Variants in ENTPD7 observed in about 807,000 individuals in gnomAD.
The protein encoded by ENTPD7 is ectonucleoside triphosphate diphosphohydrolase 7.
ENTPD7 carries 53 observed loss-of-function variants against 77.9 expected under a neutral mutation model. The ratio of observed to expected loss-of-function variants is 0.68; its 90% CI spans 0.55 to 0.85. The LOEUF (loss-of-function observed/expected upper bound fraction) is 0.85. ENTPD7 is among the 40% of genes least tolerant of loss of function. The pLI is 0.00. For synonymous variants in ENTPD7, 248 were observed against 274.9 expected, an observed-to-expected ratio of 0.90 and a Z score of 0.97; for missense variants, 636 against 743.7, an observed-to-expected ratio of 0.86 and a Z score of 1.68.
Position 99,688,733 on chromosome 10 carries a change from G to C in ENTPD7, c.692G>C (p.Arg231Thr), listed in dbSNP as rs763586639. 1.1e-5 allele frequency: 17 copies of C among 1,613,814 alleles called. No individual in the cohort carries two copies. The highest frequency in any genetic ancestry group is 2.7e-5 in the African/African-American group (2 of 74,926). Residue 231 changes from arginine (R) to threonine (T), a missense_variant, in exon 7 of 13, where the codon AGA becomes ACA. By Grantham distance (71) the Arg-to-Thr change is moderately conservative (BLOSUM62 -1). Around this residue, in one of 3 missense-constraint regions of ENTPD7, gnomAD observed 486 missense variants for 556.5 expected, o/e 0.87. Transcript: ENST00000370489. Reference sequence around the variant, plus strand: ...ATTGGAATCAACTTTGTTTTGGGAAGATTCGACCACGAGGATGGTGAGTAA... The same window carrying C: ...ATTGGAATCAACTTTGTTTTGGGAACATTCGACCACGAGGATGGTGAGTAA... ...AWIGINFVLG[R>T]FDHEDESDAE... is the part of the protein sequence containing the mutation.
chr10:99,701,539 C>T (rs1031234660), intron 11 of ENTPD7, among the ~76,000 whole-genome samples: 2 of 151,558 alleles, frequency 1.3e-5, no homozygotes, highest in Admixed American at 6.6e-5. Context: ...CCGCCTGCCT[C>T]GCCCTCCCAG....
At chr10:99,683,795 A>C (rs2035780574) in intron 5 of ENTPD7, among the ~76,000 whole-genome samples, 1 of 152,230 alleles carries the variant, frequency 6.6e-6, no homozygotes, top group Non-Finnish European at 1.5e-5. Context: ...TTCTTTTAAC[A>C]TCTGTATAGT....
intron 3 of ENTPD7, among the ~76,000 whole-genome samples, chr10:99,665,443 T>C (rs2035537500): frequency 6.6e-6 from 1 of 152,144 alleles, no homozygotes; most frequent in South Asian, 2.1e-4. Context: ...GACACATGCC[T>C]ACCCTCCTTT....
At position 99,679,412 on chromosome 10, in the gene ENTPD7, A is replaced by G. The variant is rs763947377; in HGVS notation, c.343A>G (p.Ile115Val). ...TGGGAACCCCCATGACTTGCTGGACATCAAACAGATGAGAGACCGCAACAG... is the reference window on the plus strand; with the variant it reads ...TGGGAACCCCCATGACTTGCTGGACGTCAAACAGATGAGAGACCGCAACAG... Reference protein sequence around the residue: ...HNGNPHDLLDIKQMRDRNSQP... With the variant: ...HNGNPHDLLDVKQMRDRNSQP... Residue 115 changes from isoleucine to valine, a missense_variant, in exon 4 of 13, where the codon ATC becomes GTC. Physicochemically the swap from Ile to Val is conservative, Grantham distance 29. This residue lies in a region of ENTPD7 where 486 missense variants were observed against 556.5 expected (regional missense o/e 0.87). Transcript: ENST00000370489. 3.9e-5 allele frequency: 63 copies of G among 1,614,096 alleles called. No homozygotes were observed. Among genetic ancestry groups the G allele is most frequent in the Admixed American group, 3.5e-4 (21 of 60,012 alleles).
At chr10:99,703,418 T>C (rs1395260566) in intron 12 of ENTPD7, among the ~76,000 whole-genome samples, 1 of 152,258 alleles carries the variant, frequency 6.6e-6, no homozygotes, top group Admixed American at 6.5e-5. Flanking sequence ...GGCTGGTTAC[T>C]GTCACACACA....
In ENTPD7 at chr10:99,704,970, G is replaced by GC; in HGVS notation, c.*287_*288insC. On this transcript the variant is annotated 3_prime_UTR_variant, in exon 13 of 13. Coordinates refer to ENST00000370489, the MANE Select transcript of ENTPD7 (RefSeq NM_020354.5). ...TTCGACTCCTTCTGAGAGGTCTGGTGTGTTCCTAGAATCTCACCTTTTCTT... is the reference window on the plus strand; with the variant it reads ...TTCGACTCCTTCTGAGAGGTCTGGTGCTGTTCCTAGAATCTCACCTTTTCTT... The GC allele has an allele frequency of 7.3e-6, 3 of 410,864 alleles. No homozygotes were observed. Among genetic ancestry groups the GC allele is most frequent in the East Asian group, 4.4e-5 (1 of 22,500 alleles). 25.5% of individuals were successfully genotyped at this position (410,864 alleles called of 1,614,324 possible). A position where few individuals can be genotyped will look rare whatever the true frequency, so the allele number is the denominator to read the frequency against.
intron 10 of ENTPD7, among the ~76,000 whole-genome samples, chr10:99,699,469 C>G (rs1186668454): frequency 6.6e-6 from 1 of 152,152 alleles, no homozygotes; most frequent in Non-Finnish European, 1.5e-5. Flanking sequence ...GTTTAGCCAG[C>G]TTTCTATCAT....
At chr10:99,686,058 A>G (rs754020738) in intron 6 of ENTPD7, among the ~76,000 whole-genome samples, 163 bp downstream of exon 6, 4 of 151,946 alleles carry the variant, frequency 2.6e-5, no homozygotes, top group South Asian at 2.1e-4. Context: ...CATATTTTGC[A>G]TTGGCATCTG....
At chr10:99,679,665 G>A in intron 4 of ENTPD7, 60 bp from the exon 5 acceptor site, 1 of 1,552,556 alleles carries the variant, frequency 6.4e-7, no homozygotes, top group African/African-American at 1.4e-5. Context: ...TCAGTTTCCT[G>A]AGTCTTATGT....
chr10:99,693,911 C>A (rs2133485082), intron 8 of ENTPD7, among the ~76,000 whole-genome samples: 1 of 150,582 alleles, frequency 6.6e-6, no homozygotes, highest in South Asian at 2.1e-4. Flanking sequence ...GAGTGAGACC[C>A]CATCTCAAAA....
chr10:99,702,372 A>G (rs911930838), intron 11 of ENTPD7, 140 bp from the exon 12 acceptor site: 1 of 605,038 alleles, frequency 1.7e-6, no homozygotes, highest in African/African-American at 1.9e-5. Flanking sequence ...CTTAGAAATA[A>G]CCCACTTAGA....
chr10:99,665,256 GAAA>G (rs11428277), intron 3 of ENTPD7, among the ~76,000 whole-genome samples: 1 of 142,240 alleles, frequency 7.0e-6, no homozygotes, highest in African/African-American at 2.6e-5. Flanking sequence ...CTGTCTCAAA[GAAA>G]AAAAAAAAAA....
At position 99,704,910 on chromosome 10, in the gene ENTPD7, T is replaced by TA; in HGVS notation, c.*228dup. 1 of 558,442 alleles carries TA rather than the reference T, an allele frequency of 1.8e-6. No homozygotes were observed. The highest frequency in any genetic ancestry group is 3.2e-6 in the Non-Finnish European group (1 of 312,594). 34.6% of individuals were successfully genotyped at this position (558,442 alleles called of 1,614,324 possible). On this transcript the variant is annotated 3_prime_UTR_variant, in exon 13 of 13. Coordinates refer to ENST00000370489, the MANE Select transcript of ENTPD7 (RefSeq NM_020354.5). The stretch of plus-strand genomic sequence containing the variant: ...CTAAATGACAGGAGATTGGTGCTAA[T>TA]ACGGGGGACCAAGCTTTGTCCAAGT...
chr10:99,667,929 C>CTTTTTTTT (rs61543336), intron 3 of ENTPD7, among the ~76,000 whole-genome samples: 16 of 85,546 alleles, frequency 1.9e-4, no homozygotes, highest in East Asian at 3.9e-4. Context: ...AAATGATAAT[C>CTTTTTTTT]TTTTTTTTTT....
Position 99,659,906 on chromosome 10 carries a change from A to C in ENTPD7, c.-51A>C. The C allele has an allele frequency of 6.2e-7, 1 of 1,613,694 alleles. No individual in the cohort carries two copies. On this transcript the variant is annotated 5_prime_UTR_variant, in exon 2 of 13. Coordinates refer to ENST00000370489, the MANE Select transcript of ENTPD7 (RefSeq NM_020354.5). This position sits in a 1 kb window ranked among gnomAD's most constrained non-coding sequence, Gnocchi z 4.1. ...CCTGGGACAAGGAGGCCACCTTCTC[A>C]GGGCAAAAGAAAAAGAAGGTGACAG...
chr10:99,696,691 CAGT>C lies in ENTPD7; in HGVS notation c.1010+570_1010+572del, dbSNP rs553192677. On this transcript the variant is annotated intron_variant, in intron 9 of 12. Coordinates refer to ENST00000370489, the MANE Select transcript of ENTPD7 (RefSeq NM_020354.5). ...AAGTAGTTAGACCTTAATGTACAAA[CAGT>C]GGTGGGATTTCTTGTTTCTTTTTTG... Among the ~76,000 whole-genome samples the C allele has an allele frequency of 3.3e-5, 5 of 152,298 alleles. No individual in the cohort carries two copies. In the South Asian group the frequency reaches 6.2e-4, roughly 19 times the overall value.
chr10:99,676,181 A>G (rs1263406263), intron 3 of ENTPD7, among the ~76,000 whole-genome samples: 1 of 152,180 alleles, frequency 6.6e-6, no homozygotes, highest in Non-Finnish European at 1.5e-5. Context: ...TTATAAAACA[A>G]TGCCACTCTT....
intron 8 of ENTPD7, among the ~76,000 whole-genome samples, chr10:99,692,782 A>G (rs1240331473): frequency 6.6e-6 from 1 of 152,226 alleles, no homozygotes; most frequent in Non-Finnish European, 1.5e-5. Context: ...GAAAACCACC[A>G]AAAGTTTTTG....
intron 2 of ENTPD7, chr10:99,660,487 G>T: frequency 5.3e-6 from 3 of 560,890 alleles, no homozygotes; most frequent in Non-Finnish European, 9.2e-6. Flanking sequence ...CAGCAGGTAT[G>T]GTGGACTACC....
Sources: gnomAD v4.1 joint callset for allele counts (sites outside exome capture counted in the v4.1 genomes callset) on GRCh38, gnomAD v4.1.1 for gene constraint, gnomAD v4.1.1 regional missense constraint, Gnocchi (gnomAD v3.1) non-coding constraint, MANE v1.5 for transcripts, NCBI Gene and HGNC (gene_info 2026-07-23, HGNC 2026-07-21) for gene names.